The following KIF1B variants were observed in gnomAD, a reference collection of about 807,000 sequenced individuals.
KIF1B encodes kinesin-like protein KIF1B.
KIF1B carries 76 observed loss-of-function variants against 241.9 expected under a neutral mutation model. That is an observed-to-expected ratio of 0.31 (90% confidence interval 0.26 to 0.38). The LOEUF (loss-of-function observed/expected upper bound fraction) is 0.38, where lower values mean the gene tolerates loss of function less well. Ranked by LOEUF, KIF1B falls within the 10% of genes least tolerant of loss-of-function variation. The pLI, the probability that KIF1B is intolerant of heterozygous loss-of-function variation, is 1.00. For synonymous variants in KIF1B, 750 were observed against 796.7 expected, an observed-to-expected ratio of 0.94 and a Z score of 0.99; for missense variants, 1,622 against 2,271.4, an observed-to-expected ratio of 0.71 and a Z score of 5.81.
intron 38 of KIF1B, among the ~76,000 whole-genome samples, chr1:10,359,926 A>G (rs894995543): frequency 2.6e-5 from 4 of 152,026 alleles, no homozygotes; most frequent in Non-Finnish European, 4.4e-5. Context: ...CCAGCTACTC[A>G]GGAGGCTGAG....
intron 22 of KIF1B, chr1:10,307,300 TTTG>T (rs961305492): frequency 2.0e-5 from 20 of 1,014,160 alleles, no homozygotes; most frequent in Non-Finnish European, 7.1e-6. Context: ...CCCATATTAC[TTTG>T]TTTTTTGTTT....
chr1:10,211,967 C>T (rs1170135693), intron 1 of KIF1B, among the ~76,000 whole-genome samples: 1 of 152,112 alleles, frequency 6.6e-6, no homozygotes, highest in Non-Finnish European at 1.5e-5. Flanking sequence ...AGAAGTAAAC[C>T]AGAGTATTCT....
At position 10,381,527 on chromosome 1, in the gene KIF1B, T is replaced by A. The variant is rs1400589779; in HGVS notation, c.*4940T>A. On this transcript the variant is annotated 3_prime_UTR_variant, in exon 49 of 49. Transcript: ENST00000676179. ...ATGTGCAATGCAGACACTATCTAAC[T>A]GTGTGTGGTAACCTTGCGTCACGGA... 6 of 200,998 alleles carry A rather than the reference T, an allele frequency of 3.0e-5. No homozygotes were observed. The East Asian group carries it at 4.6e-4, about 15-fold the overall frequency. 12.5% of individuals were successfully genotyped at this position (200,998 alleles called of 1,614,324 possible). A position where few individuals can be genotyped will look rare whatever the true frequency, so the allele number is the denominator to read the frequency against.
At chr1:10,220,158 CG>C (rs1646822467) in intron 1 of KIF1B, among the ~76,000 whole-genome samples, 1 of 148,454 alleles carries the variant, frequency 6.7e-6, no homozygotes, top group African/African-American at 2.5e-5. Context: ...GCCGAGATCG[CG>C]AGCCATTGCA....
intron 38 of KIF1B, among the ~76,000 whole-genome samples, chr1:10,353,681 A>T (rs1652878044): frequency 6.6e-6 from 1 of 152,220 alleles, no homozygotes; most frequent in Non-Finnish European, 1.5e-5. Flanking sequence ...GACCAGGATT[A>T]ATTTCTTTCT....
intron 1 of KIF1B, among the ~76,000 whole-genome samples, chr1:10,229,733 C>T (rs1022819550): frequency 5.3e-5 from 8 of 150,992 alleles, no homozygotes; most frequent in Non-Finnish European, 1.2e-4. Context: ...TGGTGGCAGG[C>T]GCCTGTAGCC....
At chr1:10,373,556 AAG>A (rs1019425043) in intron 45 of KIF1B, among the ~76,000 whole-genome samples, 1 of 152,080 alleles carries the variant, frequency 6.6e-6, no homozygotes, top group African/African-American at 2.4e-5. Context: ...AAAAAAAAAA[AAG>A]AATGAAGTAT....
chr1:10,379,466 G>A lies in KIF1B; in HGVS notation c.*2879G>A. 8.6e-6 allele frequency: 2 copies of A among 232,018 alleles called. No individual in the cohort carries two copies. Among genetic ancestry groups the A allele is most frequent in the East Asian group, 6.1e-5 (1 of 16,412 alleles). 14.4% of individuals were successfully genotyped at this position (232,018 alleles called of 1,614,324 possible). On this transcript the variant is annotated 3_prime_UTR_variant, in exon 49 of 49. Coordinates refer to ENST00000676179, the MANE Select transcript of KIF1B (RefSeq NM_001365951.3). ...TGCTGGTCCCCAGCACGTCCAGGGT[G>A]GGTGCTCCCTTGCCCGACAGAACCA... is the stretch of plus-strand genomic sequence containing the variant.
chr1:10,322,547 C>T (rs1397738675), intron 24 of KIF1B, among the ~76,000 whole-genome samples: 2 of 152,268 alleles, frequency 1.3e-5, no homozygotes, highest in African/African-American at 2.4e-5. Context: ...TGTATGCCCC[C>T]GTGTTTATCA....
chr1:10,307,297 T>A (rs1416102139), intron 22 of KIF1B: 20 of 1,015,458 alleles, frequency 2.0e-5, no homozygotes, highest in Non-Finnish European at 2.2e-5. Context: ...TGGCCCATAT[T>A]ACTTTGTTTT....
chr1:10,220,385 T>C (rs1416625466), intron 1 of KIF1B, among the ~76,000 whole-genome samples: 1 of 134,160 alleles, frequency 7.5e-6, no homozygotes, highest in Admixed American at 7.8e-5. Context: ...GATAGATAGA[T>C]AGATAGATAG....
At chr1:10,267,172 C>T (rs998295034) in intron 5 of KIF1B, among the ~76,000 whole-genome samples, 15 of 152,052 alleles carry the variant, frequency 9.9e-5, no homozygotes, top group African/African-American at 3.4e-4. Context: ...GCATGTGCCA[C>T]CACGCCTGGC....
intron 22 of KIF1B, among the ~76,000 whole-genome samples, chr1:10,297,867 G>A (rs1173753078): frequency 2.0e-5 from 3 of 152,154 alleles, no homozygotes; most frequent in African/African-American, 4.8e-5. Flanking sequence ...CAGGACAGAA[G>A]GCTTGCTTCC....
chr1:10,297,515 C>G (rs781046085), intron 22 of KIF1B, among the ~76,000 whole-genome samples: 7 of 152,122 alleles, frequency 4.6e-5, no homozygotes, highest in Non-Finnish European at 8.8e-5. Context: ...GGAAATAGAG[C>G]TTTTCTGGTA....
At chr1:10,283,813 T>G (rs1485568463) in intron 15 of KIF1B, among the ~76,000 whole-genome samples, 2 of 152,234 alleles carry the variant, frequency 1.3e-5, no homozygotes, top group African/African-American at 4.8e-5. Flanking sequence ...CAGCCAGCAG[T>G]CTTCTTCACA....
At chr1:10,314,898 C>T (rs962268607) in intron 22 of KIF1B, among the ~76,000 whole-genome samples, 1 of 151,504 alleles carries the variant, frequency 6.6e-6, no homozygotes, top group Non-Finnish European at 1.5e-5. Context: ...AAGAAATCCT[C>T]AAGATAAAGT....
At chr1:10,296,483 T>C (rs1026966951) in intron 19 of KIF1B, 99 bp from the exon 20 acceptor site, 1 of 989,546 alleles carries the variant, frequency 1.0e-6, no homozygotes, top group Non-Finnish European at 1.6e-6. Context: ...ATTGCAGGGA[T>C]TTATTCTACT....
In KIF1B at chr1:10,324,782, G is replaced by A. The variant is rs540513129; in HGVS notation, c.2562G>A (p.Glu854=). The change falls in exon 26 of 49, where the codon GAG becomes GAA. Residue 854 remains glutamate, a synonymous_variant. Transcript: ENST00000676179. ...GGCAGAGGCTGGATTTGATGCGAGAGATGTATGATAGGGCAGGGGAGATGG... is the reference window on the plus strand; with the variant it reads ...GGCAGAGGCTGGATTTGATGCGAGAAATGTATGATAGGGCAGGGGAGATGG... ...KLKQRLDLMR[E]MYDRAGEMAS... 2.5e-6 allele frequency: 4 copies of A among 1,614,068 alleles called. No individual in the cohort carries two copies. In the South Asian group the frequency reaches 3.3e-5, roughly 13 times the overall value.
Position 10,221,466 on chromosome 1 carries a change from C to A in KIF1B, c.-80+10588C>A, listed in dbSNP as rs530823568. ...CCCATGGTTAACTTTTATTCAGAGTCAAAAATCAAGAATAAATAGTGACTA... is the reference window on the plus strand; with the variant it reads ...CCCATGGTTAACTTTTATTCAGAGTAAAAAATCAAGAATAAATAGTGACTA... On this transcript the variant is annotated intron_variant, in intron 1 of 48. Transcript: ENST00000676179. 2.6e-5 allele frequency among the ~76,000 whole-genome samples: 4 copies of A among 152,154 alleles called. No individual in the cohort carries two copies. The South Asian group carries it at 8.3e-4, about 32-fold the overall frequency.
Sources: allele counts gnomAD v4.1 joint callset (sites outside exome capture counted in the v4.1 genomes callset), GRCh38; gene constraint gnomAD v4.1.1; transcripts MANE v1.5; gene names NCBI Gene and HGNC (gene_info 2026-07-23, HGNC 2026-07-21).